DNAH2: variants seen among roughly 807,000 people sequenced by gnomAD.
DNAH2 encodes dynein axonemal heavy chain 2, also known as axonemal beta dynein heavy chain 2.
A neutral mutation model predicts 523.5 loss-of-function variants in DNAH2; 323 were observed. That is an observed-to-expected ratio of 0.62 (90% CI 0.56 to 0.68). The LOEUF is 0.68. DNAH2 is among the 30% of genes least tolerant of loss of function. The pLI is 0.00. For synonymous variants in DNAH2, 2,093 were observed against 2,177.4 expected, an observed-to-expected ratio of 0.96 and a Z score of 1.08; for missense variants, 4,907 against 5,701.5, an observed-to-expected ratio of 0.86 and a Z score of 4.49.
At position 7,764,183 on chromosome 17, in the gene DNAH2, G is replaced by T; in HGVS notation, c.3246G>T (p.Lys1082Asn). ...GCTTGCAGCTCGTGGATGCCCTGAA[G>T]CACGACTTGGCCAACGTGGAGACTC... ...GVSLQLVDAL[K>N]HDLANVETQI... Residue 1082 changes from lysine (K) to asparagine (N), a missense_variant, in exon 20 of 86, where the codon AAG becomes AAT. Coordinates refer to ENST00000572933, the MANE Select transcript of DNAH2 (RefSeq NM_020877.5). 2 of 1,614,206 alleles carry T rather than the reference G, an allele frequency of 1.2e-6. No homozygotes were observed. The highest frequency in any genetic ancestry group is 1.7e-6 in the Non-Finnish European group (2 of 1,180,030).
At chr17:7,733,446 G>T in intron 5 of DNAH2, 131 bp downstream of exon 5, 2 of 670,806 alleles carry the variant, frequency 3.0e-6, no homozygotes, top group Non-Finnish European at 4.9e-6. Context: ...CGAATTGGTA[G>T]AATAGGGTAC....
At position 7,831,094 on chromosome 17, in the gene DNAH2, C is replaced by A. The variant is rs763938821; in HGVS notation, c.12239C>A (p.Ala4080Glu). 5 of 1,613,278 alleles carry A rather than the reference C, an allele frequency of 3.1e-6. No individual in the cohort carries two copies. The highest frequency in any genetic ancestry group is 1.1e-5 in the South Asian group (1 of 91,082). ...ATGCTATGACTCCCTAGGTTGTCAG[C>A]ACTGGAGACTTATTTCATCCCCAAG... ...SLSTPFHRLS[A>E]LETYFIPKDG... The change falls in exon 80 of 86, where the codon GCA (alanine) becomes GAA (glutamate). Residue 4080 changes from alanine (A) to glutamate (E), a missense_variant. Physicochemically the swap from Ala to Glu is moderately radical, Grantham distance 107. Around this residue, in one of 3 missense-constraint regions of DNAH2, gnomAD observed 1,851 missense variants for 2,139.4 expected, o/e 0.87. Transcript: ENST00000572933. The surrounding 1 kb of genome is among the most constrained non-coding windows in gnomAD (Gnocchi z 4.2).
At chr17:7,823,805 C>T (rs371353933) in intron 74 of DNAH2, 29 bp from the exon 75 acceptor site, 4 of 1,610,572 alleles carry the variant, frequency 2.5e-6, no homozygotes, top group African/African-American at 2.7e-5. Context: ...CTCACTCCCT[C>T]TCCCTGCAAT....
At chr17:7,787,661 GA>G in intron 42 of DNAH2, 198 bp from the exon 43 acceptor site, 1 of 573,664 alleles carries the variant, frequency 1.7e-6, no homozygotes, top group Non-Finnish European at 2.9e-6. Context: ...GCTTGAACCT[GA>G]GAGGCGGAGG....
Position 7,792,336 on chromosome 17 carries a change from C to G in DNAH2, c.7138C>G (p.Pro2380Ala), listed in dbSNP as rs1273020365. ...CAAGCTCCCTAAGAGTTGGCGCTAC[C>G]CTCCAAAGTAAGAGCTGGGCCTGGG... ...EDKLPKSWRYPPNAPFYKIMV... is the reference protein window; with the variant it reads ...EDKLPKSWRYAPNAPFYKIMV... Residue 2380 changes from proline (P) to alanine (A), a missense_variant, in exon 46 of 86, where the codon CCT (proline) becomes GCT (alanine). This residue lies in a region of DNAH2 where 2,806 missense variants were observed against 3,190.8 expected (regional missense o/e 0.88). Transcript: ENST00000572933. 1.9e-6 allele frequency: 3 copies of G among 1,613,970 alleles called. No homozygotes were observed. In the East Asian group the frequency reaches 6.7e-5, roughly 36 times the overall value.
rs2077090044 is a variant in DNAH2 at position 7,797,178 on chromosome 17, G to A, written c.7866G>A (p.Val2622=). 1 of 1,612,446 alleles carries A rather than the reference G, an allele frequency of 6.2e-7. No homozygotes were observed. The highest frequency in any genetic ancestry group is 8.5e-7 in the Non-Finnish European group (1 of 1,179,600). The part of the protein sequence containing the change: ...YLFNLRDISK[V]FQGMLRANKD... ...CCAACAGTCAGTCCTCTTCCCAGGTGTTCCAGGGCATGCTTAGAGCCAACA... is the reference window on the plus strand; with the variant it reads ...CCAACAGTCAGTCCTCTTCCCAGGTATTCCAGGGCATGCTTAGAGCCAACA... Residue 2622 remains valine, a splice_region_variant and synonymous_variant, in exon 51 of 86, where the codon GTG becomes GTA. Coordinates refer to ENST00000572933, the MANE Select transcript of DNAH2 (RefSeq NM_020877.5).
intron 8 of DNAH2, chr17:7,739,032 C>T: frequency 1.4e-6 from 1 of 702,354 alleles, no homozygotes; most frequent in East Asian, 2.7e-5. Context: ...GACTGAAGAA[C>T]CAAAAGCTAA....
chr17:7,806,429 A>AG (rs2077367901), intron 61 of DNAH2, among the ~76,000 whole-genome samples: 1 of 152,058 alleles, frequency 6.6e-6, no homozygotes, highest in Admixed American at 6.6e-5. Context: ...AGGCTGAGGC[A>AG]GGTGGATCAC....
chr17:7,773,442 TC>T (rs1325432858), intron 28 of DNAH2, among the ~76,000 whole-genome samples: 1 of 152,050 alleles, frequency 6.6e-6, no homozygotes, highest in Non-Finnish European at 1.5e-5. Context: ...ACCCCCAAGT[TC>T]TTAGGTGGGT....
At chr17:7,812,179 A>T (rs1040620313) in intron 63 of DNAH2, among the ~76,000 whole-genome samples, 1 of 152,270 alleles carries the variant, frequency 6.6e-6, no homozygotes, top group Non-Finnish European at 1.5e-5. Context: ...AATCTTTAGC[A>T]ATAGATTAAT....
Position 7,760,697 on chromosome 17 carries a change from G to T in DNAH2, c.2786-43G>T. On this transcript the variant is annotated intron_variant, in intron 17 of 85. Transcript: ENST00000572933. This position sits in a 1 kb window ranked among gnomAD's most constrained non-coding sequence, Gnocchi z 4.0. ...GCAGGGCTCAGGCAGAAGTTGGGTT[G>T]GGGTGGAAGTCAGTGAGAAGCATCT... 1 of 1,578,334 alleles carries T rather than the reference G, an allele frequency of 6.3e-7. No homozygotes were observed. Among genetic ancestry groups the T allele is most frequent in the Non-Finnish European group, 8.6e-7 (1 of 1,159,564 alleles).
chr17:7,779,549 G>T (rs898902395), intron 36 of DNAH2, 126 bp downstream of exon 36: 1 of 1,062,206 alleles, frequency 9.4e-7, no homozygotes, highest in Non-Finnish European at 1.3e-6. Flanking sequence ...TCTGGCTAAA[G>T]ATAGCAAAGG....
intron 18 of DNAH2, among the ~76,000 whole-genome samples, chr17:7,761,907 GA>G (rs201158634): frequency 0.14 from 17,710 of 128,674 alleles, 1,070 homozygotes; most frequent in South Asian, 0.18. Flanking sequence ...GAGGAGTTAA[GA>G]AAAAAAAAAA....
rs531398462 is a variant in DNAH2 at position 7,762,633 on chromosome 17, C to G, written c.2979-1198C>G. Among the ~76,000 whole-genome samples, 4 of 152,040 alleles carry G rather than the reference C, an allele frequency of 2.6e-5. No individual in the cohort carries two copies. The South Asian group carries it at 8.3e-4, about 32-fold the overall frequency. On this transcript the variant is annotated intron_variant, in intron 18 of 85. Coordinates refer to ENST00000572933, the MANE Select transcript of DNAH2 (RefSeq NM_020877.5). ...ACGGGCCTGAGCCACCAAGCCCGGC[C>G]GACTTTGCATAGGATTTCAACAGGC... is the stretch of plus-strand genomic sequence containing the variant.
At chr17:7,725,700 C>T (rs1469189620) in intron 3 of DNAH2, among the ~76,000 whole-genome samples, 5 of 121,016 alleles carry the variant, frequency 4.1e-5, no homozygotes, top group Admixed American at 2.0e-4. Flanking sequence ...ACCCCCACTC[C>T]GGCCTCCTGA....
rs771816047 is a variant in DNAH2 at position 7,796,646 on chromosome 17, C to T, written c.7857C>T (p.Ile2619=). The change falls in exon 50 of 86, where the codon ATC becomes ATT. Residue 2619 remains isoleucine (I), a synonymous_variant. Coordinates refer to ENST00000572933, the MANE Select transcript of DNAH2 (RefSeq NM_020877.5). ...ATTACCTCTTCAACCTTCGAGACATCTCCAAGGTGACTCGCGGCCTGACCT... is the reference window on the plus strand; with the variant it reads ...ATTACCTCTTCAACCTTCGAGACATTTCCAAGGTGACTCGCGGCCTGACCT... The part of the protein sequence containing the change: ...KMHYLFNLRD[I]SKVFQGMLRA... 1.2e-6 allele frequency: 2 copies of T among 1,610,826 alleles called. No homozygotes were observed. The highest frequency in any genetic ancestry group is 1.7e-6 in the Non-Finnish European group (2 of 1,178,672).
Position 7,799,201 on chromosome 17 carries a change from G to T in DNAH2, c.8658G>T (p.Leu2886=), listed in dbSNP as rs750467830. ...TCATTGAACGCGTGCAGAACAACCT[G>T]CACATCGTGCTCTGCCTCAGCCCCA... ...AYLIERVQNN[L]HIVLCLSPMG... The change falls in exon 56 of 86, where the codon CTG becomes CTT. Residue 2886 remains leucine (L), a synonymous_variant. Transcript: ENST00000572933. 1.9e-6 allele frequency: 3 copies of T among 1,614,210 alleles called. No individual in the cohort carries two copies. Among genetic ancestry groups the T allele is most frequent in the Non-Finnish European group, 2.5e-6 (3 of 1,180,048 alleles).
At chr17:7,773,886 C>T (rs548392438) in intron 28 of DNAH2, among the ~76,000 whole-genome samples, 18 of 152,174 alleles carry the variant, frequency 1.2e-4, no homozygotes, top group Middle Eastern at 3.4e-3. Flanking sequence ...CCCGCCACCA[C>T]GCCTGGCTAA....
intron 12 of DNAH2, among the ~76,000 whole-genome samples, chr17:7,744,534 A>G (rs1464824457): frequency 1.3e-5 from 2 of 152,090 alleles, no homozygotes; most frequent in South Asian, 2.1e-4. Flanking sequence ...CAGAGGCATC[A>G]GTGAGGAGGA....
Sources: gnomAD v4.1 joint callset for allele counts (sites outside exome capture counted in the v4.1 genomes callset) on GRCh38, gnomAD v4.1.1 for gene constraint, gnomAD v4.1.1 regional missense constraint, Gnocchi (gnomAD v3.1) non-coding constraint, MANE v1.5 for transcripts, NCBI Gene and HGNC (gene_info 2026-07-23, HGNC 2026-07-21) for gene names.